FGF14: variants seen among roughly 807,000 people sequenced by gnomAD.
FGF14 encodes the protein fibroblast growth factor homologous factor 4.
In FGF14, 5 loss-of-function variants were observed where a neutral mutation model predicts 25.5. The observed-to-expected ratio is 0.20, with a 90% confidence interval of 0.10 to 0.41. The LOEUF (loss-of-function observed/expected upper bound fraction) is 0.41. FGF14 is among the 10% of genes least tolerant of loss of function. The pLI is 1.00. For missense variants in FGF14, 222 were observed against 320.1 expected (o/e 0.69, Z 2.34); for synonymous variants, 138 against 118.3 (o/e 1.17, Z -1.08).
chr13:102,054,097 C>G (rs1462240121), intron 1 of FGF14, among the ~76,000 whole-genome samples: 1 of 152,072 alleles, frequency 6.6e-6, no homozygotes, highest in Admixed American at 6.5e-5. Context: ...TCCTTAGGAA[C>G]AAGACAAGAC....
chr13:101,740,186 TC>T, intron 3 of FGF14, among the ~76,000 whole-genome samples: 1 of 152,198 alleles, frequency 6.6e-6, no homozygotes, highest in East Asian at 1.9e-4. Context: ...TTGCCGATGT[TC>T]CCAGCTGAAT....
chr13:101,813,743 T>C (rs960196459), intron 3 of FGF14, among the ~76,000 whole-genome samples: 9 of 152,186 alleles, frequency 5.9e-5, no homozygotes, highest in African/African-American at 2.2e-4. Context: ...AAAATTAAAA[T>C]AAAGGCATCA....
At chr13:102,130,913 T>C (rs1195091277) in intron 1 of FGF14, among the ~76,000 whole-genome samples, 1 of 152,166 alleles carries the variant, frequency 6.6e-6, no homozygotes, top group Admixed American at 6.5e-5. Context: ...GGGCTGTTCA[T>C]AGTGTAAATG....
At chr13:102,016,379 TAAAC>T (rs2040346308) in intron 1 of FGF14, among the ~76,000 whole-genome samples, 2 of 152,116 alleles carry the variant, frequency 1.3e-5, no homozygotes. Flanking sequence ...TTTTAAAAAT[TAAAC>T]AAGGCCACTT....
intron 1 of FGF14, among the ~76,000 whole-genome samples, chr13:102,377,099 TC>T (rs1476698833): frequency 6.6e-6 from 1 of 151,956 alleles, no homozygotes; most frequent in African/African-American, 2.4e-5. Flanking sequence ...TTTTTTTTTT[TC>T]CTAAGAAAAA....
At chr13:102,130,384 T>C (rs991236021) in intron 1 of FGF14, among the ~76,000 whole-genome samples, 2 of 152,098 alleles carry the variant, frequency 1.3e-5, no homozygotes, top group Admixed American at 1.3e-4. Flanking sequence ...CTCCTCCATC[T>C]TTGCCCGAAA....
At chr13:102,118,006 C>T (rs1021516679) in intron 1 of FGF14, among the ~76,000 whole-genome samples, 1 of 151,950 alleles carries the variant, frequency 6.6e-6, no homozygotes, top group African/African-American at 2.4e-5. Context: ...TAAAAAACTA[C>T]AATAAATGAA....
intron 3 of FGF14, among the ~76,000 whole-genome samples, chr13:101,827,923 C>CT (rs2042469232): frequency 1.6e-5 from 2 of 128,286 alleles, no homozygotes; most frequent in Middle Eastern, 4.1e-3. Flanking sequence ...TGGCTAATTT[C>CT]TAAAAAAAAA....
intron 1 of FGF14, among the ~76,000 whole-genome samples, chr13:102,032,480 T>C (rs114136413): frequency 0.014 from 2,155 of 152,234 alleles, 46 homozygotes; most frequent in African/African-American, 0.049. Flanking sequence ...AGAAAACTAA[T>C]AGGGTCTTAA....
intron 1 of FGF14, among the ~76,000 whole-genome samples, chr13:102,115,056 A>G (rs1041932196): frequency 6.6e-6 from 1 of 152,176 alleles, no homozygotes; most frequent in Non-Finnish European, 1.5e-5. Context: ...GGTAAAGGAT[A>G]ATATTTGAGA....
rs558627010 is a variant in FGF14, at chr13:102,162,612, A to G, written c.208+238859T>C. On this transcript the variant is annotated intron_variant, in intron 1 of 4. Coordinates refer to the FGF14 transcript ENST00000376131. The stretch of plus-strand genomic sequence containing the variant: ...TATGCATTACTAGGCAGACGTCCTG[A>G]TCTTAAAAATATAACACAGTTTATG... 3.0e-3 allele frequency among the ~76,000 whole-genome samples: 455 copies of G among 152,322 alleles called. 1 individual carries two copies. Among genetic ancestry groups the G allele is most frequent in the Admixed American group, 5.1e-3 (78 of 15,288 alleles).
rs1344167400 is a variant in FGF14 at position 101,716,018 on chromosome 13, TCCCGCA to T, written c.*6807_*6812del. On this transcript the variant is annotated 3_prime_UTR_variant, in exon 5 of 5. Transcript: ENST00000376143. Reference sequence around the variant, plus strand: ...TAGAGGCCAGGGATGCTGCTGAGCATCCCGCAGTGTACAGGACAGCCCCCAAACAAG... The same window carrying T: ...TAGAGGCCAGGGATGCTGCTGAGCATGTGTACAGGACAGCCCCCAAACAAG... 1 of 235,756 alleles carries T rather than the reference TCCCGCA, an allele frequency of 4.2e-6. No homozygotes were observed. Among genetic ancestry groups the T allele is most frequent in the African/African-American group, 2.3e-5 (1 of 43,712 alleles). 14.6% of individuals were successfully genotyped at this position (235,756 alleles called of 1,614,324 possible).
chr13:101,755,763 G>A (rs942717123), intron 3 of FGF14, among the ~76,000 whole-genome samples: 21 of 152,148 alleles, frequency 1.4e-4, no homozygotes, highest in African/African-American at 5.1e-4. Flanking sequence ...TAATTGAATT[G>A]CATTTTTTCT....
At chr13:101,775,455 T>C (rs578167202) in intron 3 of FGF14, among the ~76,000 whole-genome samples, 1 of 152,178 alleles carries the variant, frequency 6.6e-6, no homozygotes, top group Admixed American at 6.6e-5. Flanking sequence ...TTTTTATAAA[T>C]GGAACCACAT....
intron 3 of FGF14, among the ~76,000 whole-genome samples, chr13:101,727,406 G>C (rs1594045903): frequency 1.3e-5 from 2 of 152,226 alleles, no homozygotes; most frequent in Non-Finnish European, 2.9e-5. Flanking sequence ...AGTGACAGTA[G>C]CTGAAAATAA....
At chr13:102,002,833 T>C (rs1010086201) in intron 1 of FGF14, 2 of 152,206 alleles carry the variant, frequency 1.3e-5, no homozygotes, top group African/African-American at 4.8e-5. Flanking sequence ...CTGCAGAATA[T>C]TCTGCTTATC....
chr13:102,189,000 G>GAAAGAAAGAAAGAAAGAAGA (rs1566796800), intron 1 of FGF14, among the ~76,000 whole-genome samples: 1 of 77,484 alleles, frequency 1.3e-5, no homozygotes, highest in Non-Finnish European at 2.4e-5. Context: ...AAGAAAGAAA[G>GAAAGAAAGAAAGAAAGAAGA]AAAGAAAGAG....
At chr13:101,755,382 T>C (rs1042617168) in intron 3 of FGF14, among the ~76,000 whole-genome samples, 1 of 137,860 alleles carries the variant, frequency 7.3e-6, no homozygotes. Flanking sequence ...TTCATGCCTG[T>C]AATCCCAGCA....
At chr13:101,991,876 A>G (rs1193247704) in intron 1 of FGF14, among the ~76,000 whole-genome samples, 1 of 152,064 alleles carries the variant, frequency 6.6e-6, no homozygotes, top group Non-Finnish European at 1.5e-5. Flanking sequence ...AAATCCCCTC[A>G]TGTTTCCTTC....
Sources: gnomAD v4.1 joint callset for allele counts (sites outside exome capture counted in the v4.1 genomes callset) on GRCh38, gnomAD v4.1.1 for gene constraint, MANE v1.5 for transcripts, NCBI Gene and HGNC (gene_info 2026-07-23, HGNC 2026-07-21) for gene names.